XKR6: variants seen among roughly 807,000 people sequenced by gnomAD.
XKR6 encodes the protein XK related 6.
In XKR6, 22 loss-of-function variants were observed where a neutral mutation model predicts 56.7. That is an observed-to-expected ratio of 0.39 (90% CI 0.28 to 0.55). XKR6 has a LOEUF of 0.55. Ranked by LOEUF, XKR6 falls within the 20% of genes least tolerant of loss-of-function variation. XKR6 has a pLI of 0.66. For synonymous variants in XKR6, 524 were observed against 387.8 expected (o/e 1.35, Z -4.13); for missense variants, 852 against 889.0 (o/e 0.96, Z 0.53).
intron 1 of XKR6, among the ~76,000 whole-genome samples, chr8:11,001,966 C>T (rs953803992): frequency 2.0e-5 from 3 of 151,970 alleles, no homozygotes; most frequent in Non-Finnish European, 4.4e-5. Flanking sequence ...CAGCAGACCT[C>T]AGTTTTCTAA....
chr8:11,099,912 A>T (rs1007606408), intron 1 of XKR6, among the ~76,000 whole-genome samples: 5 of 152,220 alleles, frequency 3.3e-5, no homozygotes, highest in Admixed American at 6.5e-5. Flanking sequence ...AGCCATAAGC[A>T]CATGGGGAGG....
intron 1 of XKR6, chr8:11,124,070 C>A (rs924545328): frequency 2.2e-6 from 1 of 451,746 alleles, no homozygotes; most frequent in Non-Finnish European, 4.5e-6. Context: ...CTCTCTCTCT[C>A]TAGCACGATT....
intron 1 of XKR6, among the ~76,000 whole-genome samples, chr8:11,110,792 C>A (rs1780451147): frequency 6.6e-6 from 1 of 152,050 alleles, no homozygotes; most frequent in Admixed American, 6.6e-5. Context: ...CTGAAAGTAG[C>A]CCACAGTTTT....
intron 1 of XKR6, among the ~76,000 whole-genome samples, chr8:10,964,409 A>G (rs933168616): frequency 6.6e-6 from 1 of 152,124 alleles, no homozygotes; most frequent in African/African-American, 2.4e-5. Context: ...GAGGCTCCGA[A>G]CCACTCACAA....
chr8:11,062,784 G>A, intron 1 of XKR6: 1 of 456,182 alleles, frequency 2.2e-6, no homozygotes, highest in South Asian at 1.5e-5. Flanking sequence ...CTTTTCCCTG[G>A]GCACAGAGCC....
intron 1 of XKR6, among the ~76,000 whole-genome samples, chr8:10,927,725 C>T (rs1195423642): frequency 6.6e-6 from 1 of 152,152 alleles, no homozygotes; most frequent in Non-Finnish European, 1.5e-5. Flanking sequence ...AACTGGGATG[C>T]CTGCCAGGAG....
intron 1 of XKR6, among the ~76,000 whole-genome samples, chr8:11,130,477 G>C (rs1800051558): frequency 6.6e-6 from 1 of 152,158 alleles, no homozygotes; most frequent in Non-Finnish European, 1.5e-5. Flanking sequence ...CACACAGACA[G>C]TGCAATGGAC....
chr8:11,199,858 G>A (rs559946101), intron 1 of XKR6, among the ~76,000 whole-genome samples: 77 of 152,326 alleles, frequency 5.1e-4, no homozygotes, highest in African/African-American at 1.8e-3. Flanking sequence ...TAGGTATCCA[G>A]GTGGCTTTAA....
At chr8:11,153,317 G>C (rs1801352328) in intron 1 of XKR6, among the ~76,000 whole-genome samples, 1 of 152,186 alleles carries the variant, frequency 6.6e-6, no homozygotes, top group Non-Finnish European at 1.5e-5. Context: ...AGGAAATATG[G>C]AATTACTCGT....
chr8:11,196,026 C>T (rs867684007), intron 1 of XKR6, among the ~76,000 whole-genome samples: 30 of 151,800 alleles, frequency 2.0e-4, no homozygotes, highest in Admixed American at 5.2e-4. Flanking sequence ...AGTACACTCT[C>T]TCTCTACCCA....
At chr8:11,181,270 G>A (rs1802964454) in intron 1 of XKR6, among the ~76,000 whole-genome samples, 1 of 152,138 alleles carries the variant, frequency 6.6e-6, no homozygotes, top group Non-Finnish European at 1.5e-5. Context: ...ACATATGTAT[G>A]ATATTTCATA....
At chr8:11,143,192 C>T (rs186401920) in intron 1 of XKR6, among the ~76,000 whole-genome samples, 2 of 151,726 alleles carry the variant, frequency 1.3e-5, no homozygotes, top group African/African-American at 4.8e-5. Flanking sequence ...AAAAAAGAAA[C>T]AAAGAAAGAA....
At chr8:11,136,184 G>C (rs1012728227) in intron 1 of XKR6, among the ~76,000 whole-genome samples, 2 of 152,194 alleles carry the variant, frequency 1.3e-5, no homozygotes, top group African/African-American at 4.8e-5. Flanking sequence ...TTACATGCTG[G>C]TTTCCTCCAT....
At chr8:10,905,920 C>T (rs558925134) in intron 2 of XKR6, among the ~76,000 whole-genome samples, 27 of 152,308 alleles carry the variant, frequency 1.8e-4, no homozygotes, top group Admixed American at 1.5e-3. Flanking sequence ...TCCTCGCCTT[C>T]CCACAGGAGA....
intron 2 of XKR6, among the ~76,000 whole-genome samples, chr8:10,923,793 G>T (rs551082261): frequency 6.6e-6 from 1 of 152,340 alleles, no homozygotes; most frequent in South Asian, 2.1e-4. Flanking sequence ...GCTGGCCAGG[G>T]AGAGCTGGGG....
At chr8:11,118,352 T>A (rs1001664870) in intron 1 of XKR6, among the ~76,000 whole-genome samples, 1 of 152,242 alleles carries the variant, frequency 6.6e-6, no homozygotes, top group Non-Finnish European at 1.5e-5. Flanking sequence ...TCCCTCTTTT[T>A]CTATTGATTG....
At chr8:11,120,962 G>A (rs1446009530) in intron 1 of XKR6, among the ~76,000 whole-genome samples, 1 of 152,184 alleles carries the variant, frequency 6.6e-6, no homozygotes, top group African/African-American at 2.4e-5. Flanking sequence ...AATAAATGGT[G>A]CTGGGAAAAC....
intron 1 of XKR6, among the ~76,000 whole-genome samples, chr8:11,071,611 G>A (rs1253281858): frequency 6.8e-6 from 1 of 146,802 alleles, no homozygotes; most frequent in Admixed American, 6.8e-5. Context: ...TATCAGCCCC[G>A]AGTCCATGGG....
intron 2 of XKR6, among the ~76,000 whole-genome samples, chr8:10,899,539 A>G (rs1465900325): frequency 1.3e-5 from 2 of 152,142 alleles, no homozygotes; most frequent in Non-Finnish European, 2.9e-5. Flanking sequence ...TATCCCGCCC[A>G]TTTCACAGAC....
Sources: gnomAD v4.1 joint callset for allele counts (sites outside exome capture counted in the v4.1 genomes callset) on GRCh38, gnomAD v4.1.1 for gene constraint, MANE v1.5 for transcripts, NCBI Gene and HGNC (gene_info 2026-07-23, HGNC 2026-07-21) for gene names.